The following ZNRF1 variants were observed in gnomAD, a reference collection of about 807,000 sequenced individuals.
ZNRF1 encodes E3 ubiquitin-protein ligase ZNRF1.
A neutral mutation model predicts 18.4 loss-of-function variants in ZNRF1; 3 were observed. The ratio of observed to expected loss-of-function variants is 0.16; its 90% confidence interval spans 0.07 to 0.42. The LOEUF is 0.42. ZNRF1 is among the 10% of genes least tolerant of loss of function. The pLI is 0.99. For synonymous variants in ZNRF1, 157 were observed against 144.2 expected (o/e 1.09, Z -0.64); for missense variants, 310 against 329.8 (o/e 0.94, Z 0.47).
At chr16:75,063,863 C>G (rs2035770654) in intron 1 of ZNRF1, among the ~76,000 whole-genome samples, 1 of 152,208 alleles carries the variant, frequency 6.6e-6, no homozygotes, top group African/African-American at 2.4e-5. Context: ...TTTGGGTTGG[C>G]TGTGACCTCC....
chr16:75,022,545 G>A (rs1268801799), intron 1 of ZNRF1, among the ~76,000 whole-genome samples: 7 of 150,432 alleles, frequency 4.7e-5, no homozygotes, highest in Admixed American at 1.3e-4. Flanking sequence ...CAGCCTGGGC[G>A]ACAAAGCGAG....
chr16:75,029,185 C>T (rs370404286), intron 1 of ZNRF1, among the ~76,000 whole-genome samples: 22 of 150,578 alleles, frequency 1.5e-4, no homozygotes, highest in South Asian at 6.3e-4. Context: ...CTCGTGCTGT[C>T]GCCCAGGCTG....
intron 1 of ZNRF1, among the ~76,000 whole-genome samples, chr16:75,062,508 A>T (rs932709423): frequency 1.3e-5 from 2 of 152,260 alleles, no homozygotes; most frequent in African/African-American, 4.8e-5. Context: ...ACCTTTCCAC[A>T]GCAGCTTTGG....
chr16:75,021,280 C>G (rs1249544395), intron 1 of ZNRF1, among the ~76,000 whole-genome samples: 1 of 152,150 alleles, frequency 6.6e-6, no homozygotes, highest in Non-Finnish European at 1.5e-5. Flanking sequence ...CTCAAGTGAT[C>G]CATCTGCCTC....
chr16:75,093,473 G>T, intron 1 of ZNRF1, 99 bp from the exon 2 acceptor site: 11 of 862,304 alleles, frequency 1.3e-5, no homozygotes, highest in East Asian at 5.4e-5. Context: ...CCTCCACATT[G>T]ACCCTGAGCC....
intron 1 of ZNRF1, among the ~76,000 whole-genome samples, chr16:75,001,918 A>C (rs1437369640): frequency 6.6e-6 from 1 of 152,162 alleles, no homozygotes; most frequent in Non-Finnish European, 1.5e-5. Flanking sequence ...AGGGAGAGCC[A>C]CTGAACTGTG....
chr16:75,019,194 T>C (rs766958228), intron 1 of ZNRF1, among the ~76,000 whole-genome samples: 7 of 151,922 alleles, frequency 4.6e-5, no homozygotes, highest in Non-Finnish European at 1.5e-5. Flanking sequence ...ATATAGCTTT[T>C]TTTTTGGTAG....
chr16:75,094,863 C>T (rs1413161827), intron 2 of ZNRF1, among the ~76,000 whole-genome samples: 3 of 152,228 alleles, frequency 2.0e-5, no homozygotes, highest in Non-Finnish European at 4.4e-5. Flanking sequence ...AACCCTGGTA[C>T]TGGCCCACCT....
chr16:75,056,624 C>A (rs1225664128), intron 1 of ZNRF1, among the ~76,000 whole-genome samples: 3 of 151,770 alleles, frequency 2.0e-5, no homozygotes, highest in Admixed American at 6.6e-5. Flanking sequence ...CATGGAAAAA[C>A]CTTTTTTTTT....
At chr16:75,051,343 G>C (rs1273625971) in intron 1 of ZNRF1, among the ~76,000 whole-genome samples, 1 of 150,560 alleles carries the variant, frequency 6.6e-6, no homozygotes, top group East Asian at 2.0e-4. Flanking sequence ...GAGTAGCTGG[G>C]ATTACAGGTG....
At chr16:75,072,073 G>A (rs1348023833) in intron 1 of ZNRF1, among the ~76,000 whole-genome samples, 2 of 151,894 alleles carry the variant, frequency 1.3e-5, no homozygotes, top group Non-Finnish European at 1.5e-5. Flanking sequence ...CGAATAGCTG[G>A]GACTACAAAG....
intron 1 of ZNRF1, among the ~76,000 whole-genome samples, chr16:75,045,256 C>G (rs1290947573): frequency 6.6e-6 from 1 of 152,184 alleles, no homozygotes; most frequent in African/African-American, 2.4e-5. Context: ...CAAGAAAAAC[C>G]TAGTAACAGA....
intron 1 of ZNRF1, among the ~76,000 whole-genome samples, chr16:75,060,600 C>A (rs569705312): frequency 2.1e-4 from 32 of 151,146 alleles, no homozygotes; most frequent in Non-Finnish European, 4.4e-4. Flanking sequence ...TGCCTCCCTC[C>A]CAAGTAGCTG....
At chr16:75,057,997 C>A (rs1173120076) in intron 1 of ZNRF1, among the ~76,000 whole-genome samples, 1 of 152,012 alleles carries the variant, frequency 6.6e-6, no homozygotes, top group African/African-American at 2.4e-5. Flanking sequence ...GGGACCACTG[C>A]TGTTGTAAAC....
intron 1 of ZNRF1, among the ~76,000 whole-genome samples, chr16:75,024,655 T>C (rs2035197521): frequency 6.6e-6 from 1 of 152,116 alleles, no homozygotes; most frequent in Non-Finnish European, 1.5e-5. Flanking sequence ...GAGGAAGAAG[T>C]TACAAAAGAA....
At chr16:75,096,075 T>C (rs922679695) in intron 2 of ZNRF1, among the ~76,000 whole-genome samples, 1 of 144,154 alleles carries the variant, frequency 6.9e-6, no homozygotes, top group African/African-American at 2.9e-5. Context: ...TGTGTGTGTG[T>C]GTGTGTGTGT....
At chr16:75,043,790 C>CTTTTTTTTTTTTTTTTTTT (rs59324869) in intron 1 of ZNRF1, among the ~76,000 whole-genome samples, 8 of 75,184 alleles carry the variant, frequency 1.1e-4, no homozygotes, top group Admixed American at 2.0e-4. Context: ...TTGCTTTGTA[C>CTTTTTTTTTTTTTTTTTTT]TTTTTTTTTT....
At chr16:75,049,537 C>G (rs569594500) in intron 1 of ZNRF1, among the ~76,000 whole-genome samples, 4 of 152,262 alleles carry the variant, frequency 2.6e-5, no homozygotes, top group African/African-American at 7.2e-5. Context: ...TGGCTCACAC[C>G]TGTAATCCTA....
intron 1 of ZNRF1, among the ~76,000 whole-genome samples, chr16:75,004,209 TA>T (rs2034889595): frequency 6.6e-6 from 1 of 152,186 alleles, no homozygotes; most frequent in African/African-American, 2.4e-5. Flanking sequence ...TTCTGTGTCC[TA>T]AAGTCTGGCC....
Sources: gnomAD v4.1 joint callset for allele counts (sites outside exome capture counted in the v4.1 genomes callset) on GRCh38, gnomAD v4.1.1 for gene constraint, MANE v1.5 for transcripts, NCBI Gene and HGNC (gene_info 2026-07-23, HGNC 2026-07-21) for gene names.